The following EPHA4 variants were observed in gnomAD, a reference collection of about 807,000 sequenced individuals.
The protein encoded by EPHA4 is ephrin type-A receptor 4.
In EPHA4, 19 loss-of-function variants were observed where a neutral mutation model predicts 108.3. That is an observed-to-expected ratio of 0.18 (90% CI 0.12 to 0.26). The LOEUF is 0.26. EPHA4 is among the 10% of genes least tolerant of loss of function. The pLI is 1.00. For synonymous variants in EPHA4, 449 were observed against 455.5 expected (o/e 0.99, Z 0.18); for missense variants, 917 against 1,254.0 (o/e 0.73, Z 4.06).
rs569058732 is a variant in EPHA4 at position 221,458,649 on chromosome 2, G to A, written c.1319-659C>T. ...AAGAGCTGACATGTTGCCTTTGCCT[G>A]CTCTTTCCACTGCGAAGGACACAAA... is the stretch of plus-strand genomic sequence containing the variant. On this transcript the variant is annotated intron_variant, in intron 5 of 17. Coordinates refer to ENST00000281821, the MANE Select transcript of EPHA4 (RefSeq NM_004438.5). Among the ~76,000 whole-genome samples the A allele has an allele frequency of 3.2e-4, 49 of 152,272 alleles. 1 individual carries two copies. Among genetic ancestry groups the A allele is most frequent in the Admixed American group, 2.9e-3 (45 of 15,294 alleles).
chr2:221,493,163 T>C (rs551139287), intron 4 of EPHA4, among the ~76,000 whole-genome samples: 1 of 152,298 alleles, frequency 6.6e-6, no homozygotes, highest in East Asian at 1.9e-4. Context: ...ACAGAATGTA[T>C]GCCTCCCCCA....
At chr2:221,572,560 G>T (rs989596380), upstream of EPHA4, 3 of 219,406 alleles carry the variant, frequency 1.4e-5, no homozygotes, top group African/African-American at 6.9e-5. Context: ...GATCCCCCAC[G>T]TTACCTCGAA....
intron 7 of EPHA4, 130 bp downstream of exon 7, chr2:221,456,483 C>A (rs1167733385): frequency 2.4e-6 from 2 of 833,230 alleles, no homozygotes; most frequent in African/African-American, 1.7e-5. Context: ...TATTTCAAGA[C>A]ATATTCATTG....
chr2:221,435,788 A>G (rs984934237), intron 13 of EPHA4, among the ~76,000 whole-genome samples: 3 of 152,202 alleles, frequency 2.0e-5, no homozygotes, highest in African/African-American at 7.2e-5. Context: ...ATACTGGAAA[A>G]CCTTGCATGG....
intron 8 of EPHA4, among the ~76,000 whole-genome samples, chr2:221,449,750 T>C (rs867256830): frequency 6.6e-6 from 1 of 152,264 alleles, no homozygotes; most frequent in African/African-American, 2.4e-5. Context: ...ACCATGCTTT[T>C]ACTAAATTAC....
chr2:221,566,933 AGAAGG>A lies in EPHA4; in HGVS notation c.159+1780_159+1784del, dbSNP rs1559297286. Reference sequence around the variant, plus strand: ...GAGAAGGAGAAGGAGAAGGAGAAGGAGAAGGAGAAGGAGAAGGAGAAGGGGAAGAG... The same window carrying A: ...GAGAAGGAGAAGGAGAAGGAGAAGGAAGAAGGAGAAGGAGAAGGGGAAGAG... On this transcript the variant is annotated intron_variant, in intron 2 of 17. Coordinates refer to ENST00000281821, the MANE Select transcript of EPHA4 (RefSeq NM_004438.5). Among the ~76,000 whole-genome samples the A allele has an allele frequency of 1.3e-4, 6 of 44,910 alleles. 1 individual carries two copies. Among genetic ancestry groups the A allele is most frequent in the African/African-American group, 7.3e-4 (5 of 6,830 alleles). 29.5% of individuals were successfully genotyped at this position (44,910 alleles called of 152,430 possible).
chr2:221,572,326 G>T (rs565841354), upstream of EPHA4: 40 of 1,344,528 alleles, frequency 3.0e-5, no homozygotes, highest in Admixed American at 7.2e-4. Context: ...GCAGCGGGCT[G>T]AAGACATTGC....
chr2:221,566,909 A>AG (rs1694666824), intron 2 of EPHA4, among the ~76,000 whole-genome samples: 1 of 45,360 alleles, frequency 2.2e-5, no homozygotes, highest in Admixed American at 2.3e-4. Flanking sequence ...AAGGAGAAGG[A>AG]GAAGGAGAAG....
Position 221,418,946 on chromosome 2 carries a change from T to C in EPHA4, c.*2426A>G, listed in dbSNP as rs1176853006. ...TCCCCAAAAAGGGGTGAATCAACTT[T>C]GTCACTCTGGCATAGAACACAATGC... is the stretch of plus-strand genomic sequence containing the variant. On this transcript the variant is annotated 3_prime_UTR_variant, in exon 18 of 18. Coordinates refer to ENST00000281821, the MANE Select transcript of EPHA4 (RefSeq NM_004438.5). 6.5e-6 allele frequency: 1 copy of C among 152,680 alleles called. No homozygotes were observed. The highest frequency in any genetic ancestry group is 2.4e-5 in the African/African-American group (1 of 41,466). The allele number at this position is 152,680 out of a possible 1,614,324, so 9.5% of individuals were successfully genotyped here. A position where few individuals can be genotyped will look rare whatever the true frequency, so the allele number is the denominator to read the frequency against.
intron 3 of EPHA4, among the ~76,000 whole-genome samples, chr2:221,530,825 C>T (rs1006534783): frequency 1.3e-5 from 2 of 152,064 alleles, no homozygotes; most frequent in South Asian, 2.1e-4. Context: ...AAAATCAGCA[C>T]CTCCTACACA....
intron 3 of EPHA4, among the ~76,000 whole-genome samples, chr2:221,515,725 G>C (rs936622464): frequency 8.5e-5 from 13 of 152,218 alleles, no homozygotes; most frequent in African/African-American, 2.9e-4. Flanking sequence ...GCTGAGGTGG[G>C]AGGATCCTTT....
At position 221,423,762 on chromosome 2, in the gene EPHA4, A is replaced by G. The variant is rs531218995; in HGVS notation, c.*819+1447T>C. 3.4e-3 allele frequency among the ~76,000 whole-genome samples: 317 copies of G among 94,210 alleles called. 3 individuals are homozygous for G. Among genetic ancestry groups the G allele is most frequent in the Admixed American group, 0.019 (204 of 10,804 alleles). 61.8% of individuals were successfully genotyped at this position (94,210 alleles called of 152,430 possible). A position where few individuals can be genotyped will look rare whatever the true frequency, so the allele number is the denominator to read the frequency against. On this transcript the variant is annotated intron_variant, in intron 17 of 17. Coordinates refer to ENST00000281821, the MANE Select transcript of EPHA4 (RefSeq NM_004438.5). ...CTTGTCTTAAGTTGTAGACTTTAAG[A>G]AAAAAAAAAAAAACTTTTAATTATT...
intron 3 of EPHA4, among the ~76,000 whole-genome samples, chr2:221,512,682 G>A (rs560739813): frequency 1.3e-5 from 2 of 152,122 alleles, no homozygotes; most frequent in African/African-American, 4.8e-5. Context: ...TAATACACGG[G>A]TCTATGCAGA....
chr2:221,565,321 T>A (rs1275949047), intron 2 of EPHA4, among the ~76,000 whole-genome samples: 1 of 152,198 alleles, frequency 6.6e-6, no homozygotes, highest in Non-Finnish European at 1.5e-5. Context: ...AGTTTCACTG[T>A]CATTATAGCT....
chr2:221,529,454 C>T (rs971268365), intron 3 of EPHA4, among the ~76,000 whole-genome samples: 5 of 152,176 alleles, frequency 3.3e-5, no homozygotes, highest in African/African-American at 7.2e-5. Context: ...CACCTAAACA[C>T]GCTGACTTGT....
At chr2:221,500,300 T>A (rs1199634577) in intron 4 of EPHA4, among the ~76,000 whole-genome samples, 1 of 152,098 alleles carries the variant, frequency 6.6e-6, no homozygotes, top group Non-Finnish European at 1.5e-5. Flanking sequence ...CAGATTCACC[T>A]AATGGAAATT....
At chr2:221,545,463 C>G (rs1254967285) in intron 3 of EPHA4, among the ~76,000 whole-genome samples, 7 of 151,828 alleles carry the variant, frequency 4.6e-5, no homozygotes, top group Non-Finnish European at 8.8e-5. Flanking sequence ...AGCAAGACTC[C>G]ATCTTAAAAA....
chr2:221,442,796 A>T, intron 11 of EPHA4, 33 bp downstream of exon 11: 8 of 1,608,986 alleles, frequency 5.0e-6, no homozygotes, highest in Non-Finnish European at 6.8e-6. Context: ...AGTAACTTCT[A>T]GCTTGGCTTT....
chr2:221,450,928 T>C (rs913243966), intron 8 of EPHA4, among the ~76,000 whole-genome samples: 1 of 152,148 alleles, frequency 6.6e-6, no homozygotes, highest in Non-Finnish European at 1.5e-5. Context: ...AAATACTGTT[T>C]TGGGGCCGGG....
Sources: gnomAD v4.1 joint callset for allele counts (sites outside exome capture counted in the v4.1 genomes callset) on GRCh38, gnomAD v4.1.1 for gene constraint, MANE v1.5 for transcripts, NCBI Gene and HGNC (gene_info 2026-07-23, HGNC 2026-07-21) for gene names.